CROT: variants seen among roughly 807,000 people sequenced by gnomAD.
CROT encodes peroxisomal carnitine O-octanoyltransferase.
CROT carries 84 observed loss-of-function variants against 89.2 expected under a neutral mutation model. The observed-to-expected ratio is 0.94, with a 90% CI of 0.79 to 1.13. The LOEUF (loss-of-function observed/expected upper bound fraction) is 1.13, where lower values mean the gene tolerates loss of function less well. Among genes scored for constraint, CROT ranks in the 50% most tolerant of loss-of-function variants. The pLI is 0.00. For missense variants in CROT, 711 were observed against 727.8 expected (o/e 0.98, Z 0.27); for synonymous variants, 212 against 239.5 (o/e 0.89, Z 1.06).
intron 7 of CROT, among the ~76,000 whole-genome samples, chr7:87,371,128 TTG>T (rs1360065223): frequency 3.9e-5 from 6 of 152,238 alleles, no homozygotes; most frequent in African/African-American, 1.4e-4. Flanking sequence ...ATTATACATT[TTG>T]TGTTCTGTTT....
intron 3 of CROT, chr7:87,357,503 G>T (rs1320029678): frequency 1.3e-6 from 2 of 1,551,182 alleles, no homozygotes; most frequent in Non-Finnish European, 1.7e-6. Flanking sequence ...ATGTCCCTTT[G>T]TAGTCACCAG....
intron 10 of CROT, among the ~76,000 whole-genome samples, chr7:87,378,287 A>G (rs542984041): frequency 2.0e-4 from 29 of 147,322 alleles, no homozygotes; most frequent in African/African-American, 7.0e-4. Flanking sequence ...TTGAGGGTGC[A>G]GTGAACAGTG....
At position 87,348,222 on chromosome 7, in the gene CROT, T is replaced by A. The variant is rs77665561; in HGVS notation, c.-21-826T>A. Among the ~76,000 whole-genome samples, 779 of 151,856 alleles carry A rather than the reference T, an allele frequency of 5.1e-3. 21 individuals are homozygous for A. In the East Asian group the frequency reaches 0.052, roughly 10 times the overall value. On this transcript the variant is annotated intron_variant, in intron 2 of 17. Coordinates refer to ENST00000331536, the MANE Select transcript of CROT (RefSeq NM_021151.4). ...ATATTACATTATTTAATATAATTAA[T>A]ATATGATAATTTACAAAGGCTTTGA...
chr7:87,365,797 A>G (rs113569365), intron 6 of CROT, among the ~76,000 whole-genome samples: 3,282 of 151,604 alleles, frequency 0.022, 128 homozygotes, highest in African/African-American at 0.075. Context: ...GTAGAGACCG[A>G]GTTTTGCCAT....
chr7:87,357,106 A>T (rs1411370422), intron 3 of CROT, among the ~76,000 whole-genome samples: 1 of 152,202 alleles, frequency 6.6e-6, no homozygotes, highest in Admixed American at 6.5e-5. Flanking sequence ...CGAAAAGGTG[A>T]CAGTCAGAAG....
chr7:87,361,708 C>T lies in CROT; in HGVS notation c.423-20C>T. On this transcript the variant is annotated intron_variant, in intron 5 of 17. Transcript: ENST00000331536. Reference sequence around the variant, plus strand: ...TTAAATTTTATAATGACTTTTTGATCAAAATCCTTTTTTTAATAGAGAAAA... The same window carrying T: ...TTAAATTTTATAATGACTTTTTGATTAAAATCCTTTTTTTAATAGAGAAAA... 5.1e-6 allele frequency: 8 copies of T among 1,558,228 alleles called. No homozygotes were observed. The highest frequency in any genetic ancestry group is 6.9e-6 in the Non-Finnish European group (8 of 1,156,652).
intron 10 of CROT, 94 bp from the exon 11 acceptor site, chr7:87,381,816 T>C (rs949411577): frequency 1.3e-6 from 1 of 779,702 alleles, no homozygotes; most frequent in African/African-American, 1.7e-5. Context: ...TGCTTTATTA[T>C]CTGTTAAGAA....
intron 10 of CROT, among the ~76,000 whole-genome samples, chr7:87,378,425 C>A (rs568993423): frequency 6.6e-6 from 1 of 151,408 alleles, no homozygotes; most frequent in South Asian, 2.1e-4. Flanking sequence ...ATCAAACTAG[C>A]GTTAGCGTAA....
chr7:87,363,021 G>C (rs1404757236), intron 6 of CROT, among the ~76,000 whole-genome samples: 1 of 151,992 alleles, frequency 6.6e-6, no homozygotes, highest in Non-Finnish European at 1.5e-5. Context: ...AATATGAATG[G>C]AAAAAATGAA....
At position 87,349,094 on chromosome 7, in the gene CROT, C is replaced by T; in HGVS notation, c.26C>T (p.Thr9Ile). 1 of 1,603,606 alleles carries T rather than the reference C, an allele frequency of 6.2e-7. No homozygotes were observed. Among genetic ancestry groups the T allele is most frequent in the Non-Finnish European group, 8.5e-7 (1 of 1,173,426 alleles). The change falls in exon 3 of 18, where the codon ACT becomes ATT. Residue 9 changes from threonine to isoleucine, a missense_variant. By Grantham distance (89) the Thr-to-Ile change is moderately conservative (BLOSUM62 -1). Transcript: ENST00000331536. MENQLAKS[T>I]EERTFQYQDS... ...ATGGAAAATCAATTGGCTAAATCAA[C>T]TGAAGAACGAACATTTCAGTACCAG...
chr7:87,359,286 T>A lies in CROT; in HGVS notation c.196T>A (p.Leu66Met). ...QKFQSGIGEK[L>M]HQKLLERAKG... is the part of the protein sequence containing the mutation. ...ATTTCAAAGTGGGATTGGAGAAAAA[T>A]TGCACCAGAAATTGCTTGAAAGAGC... The change falls in exon 4 of 18, where the codon TTG becomes ATG. Residue 66 changes from leucine (L) to methionine (M), a missense_variant. Transcript: ENST00000331536. 1 of 1,600,846 alleles carries A rather than the reference T, an allele frequency of 6.2e-7. No homozygotes were observed. Among genetic ancestry groups the A allele is most frequent in the Non-Finnish European group, 8.5e-7 (1 of 1,169,728 alleles).
chr7:87,395,977 G>A (rs1002131911), intron 17 of CROT, among the ~76,000 whole-genome samples: 1 of 152,148 alleles, frequency 6.6e-6, no homozygotes, highest in African/African-American at 2.4e-5. Context: ...TTAAGAAGAA[G>A]TCATGAAAGC....
chr7:87,392,965 T>C lies in CROT; in HGVS notation c.1616T>C (p.Phe539Ser). The change falls in exon 17 of 18, where the codon TTT becomes TCT. Residue 539 changes from phenylalanine to serine, a missense_variant. Phe to Ser is a radical substitution (Grantham distance 155). Transcript: ENST00000331536. ...LFSKSGGGGN[F>S]VLSTSLVGYL... is the part of the protein sequence containing the mutation. ...CCACACAGCGGAGGAGGTGGAAATT[T>C]TGTTCTCTCAACAAGTCTGGTTGGC... 9 of 1,613,786 alleles carry C rather than the reference T, an allele frequency of 5.6e-6. No individual in the cohort carries two copies. The highest frequency in any genetic ancestry group is 7.6e-6 in the Non-Finnish European group (9 of 1,179,754).
At chr7:87,358,199 C>T (rs182303317) in intron 3 of CROT, among the ~76,000 whole-genome samples, 6 of 151,990 alleles carry the variant, frequency 3.9e-5, no homozygotes, top group South Asian at 2.1e-4. Flanking sequence ...AAGTACAGGC[C>T]GTGCGCAGTG....
At chr7:87,383,106 G>C (rs31633) in intron 13 of CROT, among the ~76,000 whole-genome samples, 2 of 152,084 alleles carry the variant, frequency 1.3e-5, no homozygotes, top group Non-Finnish European at 2.9e-5. Context: ...TTACGTCTTC[G>C]TGTGGGGAAT....
rs779293195 is a variant in CROT at position 87,398,502 on chromosome 7, AATC to A, written c.1719-19_1719-17del. On this transcript the variant is annotated intron_variant, in intron 17 of 17. Transcript: ENST00000331536. ...ATTTGGAGCCTTTTGTGTAATCATT[AATC>A]ATTATTTATGCTTCACAGGTTTGTT... 6.2e-7 allele frequency: 1 copy of A among 1,612,498 alleles called. No homozygotes were observed. Among genetic ancestry groups the A allele is most frequent in the Non-Finnish European group, 8.5e-7 (1 of 1,179,632 alleles).
chr7:87,395,811 A>G (rs558863831), intron 17 of CROT, among the ~76,000 whole-genome samples: 5 of 152,182 alleles, frequency 3.3e-5, no homozygotes, highest in African/African-American at 1.2e-4. Context: ...ACATGTCTCT[A>G]ATTCAGGCTC....
chr7:87,352,766 T>C (rs1477403744), intron 3 of CROT, among the ~76,000 whole-genome samples: 1 of 152,180 alleles, frequency 6.6e-6, no homozygotes, highest in African/African-American at 2.4e-5. Context: ...AAGCCCTACC[T>C]AGTTATGAGA....
chr7:87,355,224 C>A (rs376446466), intron 3 of CROT, among the ~76,000 whole-genome samples: 348 of 152,114 alleles, frequency 2.3e-3, no homozygotes, highest in African/African-American at 7.9e-3. Flanking sequence ...CTCAGCCTCC[C>A]AAGTAGCTGG....
Sources: gnomAD v4.1 joint callset for allele counts (sites outside exome capture counted in the v4.1 genomes callset) on GRCh38, gnomAD v4.1.1 for gene constraint, MANE v1.5 for transcripts, NCBI Gene and HGNC (gene_info 2026-07-23, HGNC 2026-07-21) for gene names.